Variants in PRKCH observed in about 807,000 individuals in gnomAD.
The protein encoded by PRKCH is protein kinase C eta.
PRKCH carries 28 observed loss-of-function variants against 82.5 expected under a neutral mutation model. The ratio of observed to expected loss-of-function variants is 0.34; its 90% CI spans 0.25 to 0.47. PRKCH has a LOEUF of 0.47. Among genes scored for constraint, PRKCH ranks in the 20% least tolerant of loss-of-function variants. The probability of loss-of-function intolerance (pLI) is 1.00; values close to 1 mark genes in which losing one functional copy is unlikely to be tolerated. For synonymous variants in PRKCH, 322 were observed against 327.4 expected (o/e 0.98, Z 0.18); for missense variants, 705 against 881.8 (o/e 0.80, Z 2.54).
chr14:61,231,362 A>ATTTTT (rs10656204), intron 1 of PRKCH, among the ~76,000 whole-genome samples: 16 of 128,546 alleles, frequency 1.2e-4, no homozygotes, highest in African/African-American at 4.5e-4. Context: ...ATCCAGATGA[A>ATTTTT]TTTTTTTTTT....
intron 1 of PRKCH, among the ~76,000 whole-genome samples, chr14:61,207,369 G>A (rs2044535003): frequency 6.6e-6 from 1 of 152,070 alleles, no homozygotes; most frequent in Non-Finnish European, 1.5e-5. Flanking sequence ...GTTTCCTTGT[G>A]CATGTCTGGA....
chr14:61,412,333 A>G (rs1882309837), intron 2 of PRKCH, among the ~76,000 whole-genome samples: 1 of 152,236 alleles, frequency 6.6e-6, no homozygotes, highest in African/African-American at 2.4e-5. Context: ...AGACAAGTAG[A>G]AAAGTGAAAA....
chr14:61,356,332 T>C (rs543718730), intron 1 of PRKCH, among the ~76,000 whole-genome samples: 11 of 152,312 alleles, frequency 7.2e-5, no homozygotes, highest in Middle Eastern at 3.4e-3. Context: ...ATTTTATCCT[T>C]GTGCTCCTTC....
At chr14:61,254,624 T>C (rs547425967) in intron 1 of PRKCH, among the ~76,000 whole-genome samples, 2 of 149,492 alleles carry the variant, frequency 1.3e-5, no homozygotes, top group East Asian at 2.4e-4. Flanking sequence ...CAAAACAAAA[T>C]AAAACAAAAC....
At chr14:61,495,717 T>C (rs1344296089) in intron 10 of PRKCH, among the ~76,000 whole-genome samples, 1 of 152,172 alleles carries the variant, frequency 6.6e-6, no homozygotes, top group Non-Finnish European at 1.5e-5. Context: ...CAGACGCTAC[T>C]GTGAGCTCTG....
intron 5 of PRKCH, among the ~76,000 whole-genome samples, chr14:61,449,942 A>G (rs1884421590): frequency 6.6e-6 from 1 of 151,342 alleles, no homozygotes; most frequent in Admixed American, 6.6e-5. Context: ...AAGCTTCAAC[A>G]TCATTCTTGC....
intron 1 of PRKCH, among the ~76,000 whole-genome samples, chr14:61,267,569 TCATGTTGG>T (rs1469426090): frequency 2.6e-5 from 4 of 152,222 alleles, no homozygotes; most frequent in Non-Finnish European, 5.9e-5. Context: ...AGGAGCTGAT[TCATGTTGG>T]CATCCGGCAC....
intron 1 of PRKCH, among the ~76,000 whole-genome samples, chr14:61,379,163 T>C (rs780759490): frequency 3.3e-5 from 5 of 152,238 alleles, no homozygotes; most frequent in African/African-American, 4.8e-5. Context: ...GTAACCCCTA[T>C]ACATCTTCTG....
At chr14:61,525,902 C>T (rs1252608203) in intron 10 of PRKCH, 1 of 152,506 alleles carries the variant, frequency 6.6e-6, no homozygotes, top group Non-Finnish European at 1.5e-5. Context: ...GCTTTGTCCC[C>T]CCGGCCGTGC....
chr14:61,247,960 T>A (rs1428546990), intron 1 of PRKCH, among the ~76,000 whole-genome samples: 2 of 152,072 alleles, frequency 1.3e-5, no homozygotes, highest in East Asian at 1.9e-4. Flanking sequence ...AAAATGGCTT[T>A]CAAATACAGG....
At chr14:61,384,047 T>C (rs922870348) in intron 1 of PRKCH, among the ~76,000 whole-genome samples, 1 of 151,926 alleles carries the variant, frequency 6.6e-6, no homozygotes, top group Non-Finnish European at 1.5e-5. Context: ...TGCTTTGTTT[T>C]TGGTGGGGTG....
At chr14:61,519,519 A>G (rs1489786459) in intron 10 of PRKCH, among the ~76,000 whole-genome samples, 1 of 152,170 alleles carries the variant, frequency 6.6e-6, no homozygotes, top group East Asian at 1.9e-4. Flanking sequence ...GAAGAGCCTC[A>G]GAAGAGCCTT....
At chr14:61,321,226 G>C (rs921338735), upstream of PRKCH, among the ~76,000 whole-genome samples, 1 of 152,330 alleles carries the variant, frequency 6.6e-6, no homozygotes, top group East Asian at 1.9e-4. The surrounding 1 kb of genome is among the most constrained non-coding windows in gnomAD (Gnocchi z 4.1). Flanking sequence ...CCAGCCCACC[G>C]GGGAGGTTGG....
At position 61,457,591 on chromosome 14, in the gene PRKCH, T is replaced by C. The variant is rs1380866147; in HGVS notation, c.1190T>C (p.Val397Ala). 1 of 1,614,160 alleles carries C rather than the reference T, an allele frequency of 6.2e-7. No individual in the cohort carries two copies. Among genetic ancestry groups the C allele is most frequent in the Admixed American group, 1.7e-5 (1 of 60,018 alleles). Residue 397 changes from valine (V) to alanine (A), a missense_variant, in exon 9 of 14, where the codon GTG becomes GCG. Physicochemically the swap from Val to Ala is moderately conservative, Grantham distance 64 (BLOSUM62 0). Around this residue, in one of 5 missense-constraint regions of PRKCH, gnomAD observed 238 missense variants for 258.1 expected, o/e 0.92. Transcript: ENST00000332981. Reference sequence around the variant, plus strand: ...GACGTGATTCTGCAGGATGATGATGTGGAATGCACCATGACCGAGAAAAGG... The same window carrying C: ...GACGTGATTCTGCAGGATGATGATGCGGAATGCACCATGACCGAGAAAAGG... ...KKDVILQDDD[V>A]ECTMTEKRIL...
At position 61,257,613 on chromosome 14, in the gene PRKCH, ACACACACACACACACACCCC is replaced by A. The variant is rs1427886006; in HGVS notation, c.-19+69963_-19+69982del. 7.7e-3 allele frequency among the ~76,000 whole-genome samples: 395 copies of A among 51,054 alleles called. 3 individuals carry two copies. The highest frequency in any genetic ancestry group is 0.02 in the African/African-American group (339 of 16,838). 33.5% of individuals were successfully genotyped at this position (51,054 alleles called of 152,430 possible). A position where few individuals can be genotyped will look rare whatever the true frequency, so the allele number is the denominator to read the frequency against. On this transcript the variant is annotated intron_variant, in intron 1 of 3. Transcript: ENST00000555185. Reference sequence around the variant, plus strand: ...CTCTCTGTCACACACAGACACACACACACACACACACACACACCCCCACACACACACACACACGCATACAC... The same window carrying A: ...CTCTCTGTCACACACAGACACACACACACACACACACACACACGCATACAC...
chr14:61,468,659 G>T (rs534009959), intron 9 of PRKCH, among the ~76,000 whole-genome samples: 1 of 149,556 alleles, frequency 6.7e-6, no homozygotes, highest in African/African-American at 2.6e-5. Context: ...GTGACAAAAG[G>T]ATTTGAAATA....
intron 10 of PRKCH, among the ~76,000 whole-genome samples, chr14:61,500,238 C>G (rs1886844628): frequency 6.6e-6 from 1 of 151,880 alleles, no homozygotes; most frequent in East Asian, 1.9e-4. Flanking sequence ...CGGTCTCCCT[C>G]TGTTGCCCAG....
Position 61,453,293 on chromosome 14 carries a change from G to C in PRKCH, c.900G>C (p.Val300=). ...NVAPNCGVNA[V]ELAKTLAGMG... Reference sequence around the variant, plus strand: ...CCCCTAACTGTGGGGTAAATGCGGTGGAACTTGCCAAGACCCTGGCAGGGA... The same window carrying C: ...CCCCTAACTGTGGGGTAAATGCGGTCGAACTTGCCAAGACCCTGGCAGGGA... Residue 300 remains valine (V), a synonymous_variant, in exon 7 of 14, where the codon GTG becomes GTC. Coordinates refer to ENST00000332981, the MANE Select transcript of PRKCH (RefSeq NM_006255.5). The C allele has an allele frequency of 6.2e-7, 1 of 1,614,162 alleles. No homozygotes were observed. Among genetic ancestry groups the C allele is most frequent in the South Asian group, 1.1e-5 (1 of 91,086 alleles).
chr14:61,407,846 G>C (rs551178529), intron 2 of PRKCH, among the ~76,000 whole-genome samples: 29 of 152,300 alleles, frequency 1.9e-4, no homozygotes, highest in African/African-American at 7.0e-4. Context: ...CTGCCCATGG[G>C]CTGAAATCAG....
Sources: allele counts gnomAD v4.1 joint callset (sites outside exome capture counted in the v4.1 genomes callset), GRCh38; gene constraint gnomAD v4.1.1; regional missense constraint gnomAD v4.1.1; non-coding constraint Gnocchi (gnomAD v3.1); transcripts MANE v1.5; gene names NCBI Gene and HGNC (gene_info 2026-07-23, HGNC 2026-07-21).